The following ATP6V1H variants were observed in gnomAD, a reference collection of about 807,000 sequenced individuals.
The protein encoded by ATP6V1H is ATPase H+ transporting V1 subunit H.
A neutral mutation model predicts 71.7 loss-of-function variants in ATP6V1H; 39 were observed. The ratio of observed to expected loss-of-function variants is 0.54; its 90% CI spans 0.42 to 0.71. The LOEUF (loss-of-function observed/expected upper bound fraction) is 0.71. ATP6V1H is among the 30% of genes least tolerant of loss of function. ATP6V1H has a pLI of 0.00. For synonymous variants in ATP6V1H, 192 were observed against 199.3 expected (o/e 0.96, Z 0.31); for missense variants, 509 against 594.9 (o/e 0.86, Z 1.50).
At chr8:53,749,448 C>T (rs1461781443) in intron 12 of ATP6V1H, among the ~76,000 whole-genome samples, 3 of 152,144 alleles carry the variant, frequency 2.0e-5, no homozygotes, top group Non-Finnish European at 4.4e-5. Context: ...TCAGCTCGGC[C>T]CTTGACCCCA....
rs188668517 is a variant in ATP6V1H at position 53,817,634 on chromosome 8, T to A, written c.307-104A>T. 2,278 of 695,468 alleles carry A rather than the reference T, an allele frequency of 3.3e-3. 14 individuals carry two copies. Among genetic ancestry groups the A allele is most frequent in the Non-Finnish European group, 4.3e-3 (1,750 of 411,392 alleles). The allele number at this position is 695,468 out of a possible 1,614,324, so 43.1% of individuals were successfully genotyped here. ...CCTCCCATCAGTCTGTGTTCTTTTT[T>A]CAGTGTGTGTGTATGTGTGATTTGT... is the stretch of plus-strand genomic sequence containing the variant. On this transcript the variant is annotated intron_variant, in intron 4 of 13. Transcript: ENST00000359530.
chr8:53,832,492 G>T (rs1387244613), intron 3 of ATP6V1H: 2 of 151,872 alleles, frequency 1.3e-5, no homozygotes, highest in Non-Finnish European at 2.9e-5. Flanking sequence ...AATAAATTTT[G>T]TATGTAAAAA....
At chr8:53,752,695 C>A (rs1399907717) in intron 12 of ATP6V1H, among the ~76,000 whole-genome samples, 1 of 152,142 alleles carries the variant, frequency 6.6e-6, no homozygotes, top group African/African-American at 2.4e-5. Flanking sequence ...GGACTAGAGG[C>A]ATGTGCCACC....
At chr8:53,824,212 G>A (rs1428567148) in intron 4 of ATP6V1H, among the ~76,000 whole-genome samples, 1 of 152,052 alleles carries the variant, frequency 6.6e-6, no homozygotes, top group African/African-American at 2.4e-5. Flanking sequence ...AATTTCTGTA[G>A]AAGACATAGA....
intron 3 of ATP6V1H, 24 bp from the exon 4 acceptor site, chr8:53,829,557 GTTA>G (rs1563485888): frequency 6.9e-7 from 1 of 1,439,842 alleles, no homozygotes; most frequent in South Asian, 1.2e-5. Flanking sequence ...TGAAATTAAA[GTTA>G]TTGTTTTTAT....
intron 9 of ATP6V1H, among the ~76,000 whole-genome samples, chr8:53,795,015 G>C (rs1359684337): frequency 1.3e-5 from 2 of 152,104 alleles, no homozygotes; most frequent in East Asian, 3.9e-4. Context: ...CCCATCTAAA[G>C]TGACCAACAA....
chr8:53,842,927 G>C (rs1811391429), intron 1 of ATP6V1H, 107 bp downstream of exon 1: 1 of 152,500 alleles, frequency 6.6e-6, no homozygotes, highest in African/African-American at 2.4e-5. Flanking sequence ...GAACAGGAGA[G>C]GACCAAGCGG....
chr8:53,746,161 T>C (rs1807595619), intron 12 of ATP6V1H, among the ~76,000 whole-genome samples: 1 of 152,230 alleles, frequency 6.6e-6, no homozygotes, highest in African/African-American at 2.4e-5. Flanking sequence ...CAAATAATAC[T>C]GCCTAGCAAA....
intron 4 of ATP6V1H, among the ~76,000 whole-genome samples, chr8:53,820,666 C>CAA (rs111738763): frequency 6.8e-5 from 5 of 73,656 alleles, no homozygotes; most frequent in Non-Finnish European, 8.4e-5. Flanking sequence ...GATTTTATCT[C>CAA]AAAAAAAAAA....
intron 11 of ATP6V1H, among the ~76,000 whole-genome samples, chr8:53,763,473 A>G (rs567592689): frequency 6.6e-6 from 1 of 152,352 alleles, no homozygotes; most frequent in Admixed American, 6.5e-5. Context: ...TCCCAGGTTC[A>G]TGGATCTGAA....
At chr8:53,837,099 C>T (rs933800112) in intron 2 of ATP6V1H, among the ~76,000 whole-genome samples, 1 of 151,732 alleles carries the variant, frequency 6.6e-6, no homozygotes, top group African/African-American at 2.4e-5. Flanking sequence ...CAAGAACGCA[C>T]CATTGCACTC....
intron 13 of ATP6V1H, among the ~76,000 whole-genome samples, chr8:53,728,064 AC>A (rs1324918027): frequency 1.3e-5 from 2 of 152,206 alleles, no homozygotes; most frequent in African/African-American, 4.8e-5. Flanking sequence ...AAGAGTTCCC[AC>A]CTGGTTTCCT....
chr8:53,746,281 T>C (rs1049154684), intron 12 of ATP6V1H, among the ~76,000 whole-genome samples: 2 of 151,446 alleles, frequency 1.3e-5, no homozygotes, highest in African/African-American at 4.9e-5. Context: ...TTTTTTTTTT[T>C]GAGACAAGAA....
chr8:53,783,720 C>A (rs1809256137), intron 9 of ATP6V1H, among the ~76,000 whole-genome samples: 3 of 152,066 alleles, frequency 2.0e-5, no homozygotes, highest in Non-Finnish European at 4.4e-5. Flanking sequence ...TGAATGTGTC[C>A]CAGAGATTCT....
At chr8:53,733,475 G>T (rs1407077977) in intron 13 of ATP6V1H, among the ~76,000 whole-genome samples, 1 of 152,240 alleles carries the variant, frequency 6.6e-6, no homozygotes, top group Non-Finnish European at 1.5e-5. Flanking sequence ...CAGCAACTGG[G>T]TGCGTCAAAG....
At chr8:53,747,683 G>C (rs1807655799) in intron 12 of ATP6V1H, among the ~76,000 whole-genome samples, 1 of 151,898 alleles carries the variant, frequency 6.6e-6, no homozygotes, top group Non-Finnish European at 1.5e-5. Flanking sequence ...GGGATTACAG[G>C]TGCATGCCAC....
At chr8:53,782,964 T>C (rs1399622768) in intron 9 of ATP6V1H, among the ~76,000 whole-genome samples, 1 of 152,220 alleles carries the variant, frequency 6.6e-6, no homozygotes, top group African/African-American at 2.4e-5. Flanking sequence ...TTGAGGATTT[T>C]TGCATCAATG....
chr8:53,783,540 C>T (rs1236813789), intron 9 of ATP6V1H, among the ~76,000 whole-genome samples: 2 of 152,194 alleles, frequency 1.3e-5, no homozygotes. Context: ...TCTCTATCTC[C>T]TTCAGTTCTG....
intron 12 of ATP6V1H, among the ~76,000 whole-genome samples, chr8:53,755,796 C>T (rs1215321973): frequency 1.2e-4 from 10 of 80,514 alleles, no homozygotes; most frequent in South Asian, 5.8e-4. Context: ...CTCGCTCTGT[C>T]GCCCAGGCTG....
Sources: allele counts gnomAD v4.1 joint callset (sites outside exome capture counted in the v4.1 genomes callset), GRCh38; gene constraint gnomAD v4.1.1; transcripts MANE v1.5; gene names NCBI Gene and HGNC (gene_info 2026-07-23, HGNC 2026-07-21).